Variants in KRI1 observed in about 807,000 individuals in gnomAD.
The protein encoded by KRI1 is KRI1 homolog.
In KRI1, 83 loss-of-function variants were observed where a neutral mutation model predicts 97.0. That is an observed-to-expected ratio of 0.86 (90% CI 0.72 to 1.03). The LOEUF (loss-of-function observed/expected upper bound fraction) is 1.03, where lower values mean the gene tolerates loss of function less well. Among genes scored for constraint, KRI1 ranks in the 50% least tolerant of loss-of-function variants. The pLI is 0.00. For missense variants in KRI1, 916 were observed against 928.4 expected, an observed-to-expected ratio of 0.99 and a Z score of 0.17; for synonymous variants, 371 against 363.5, an observed-to-expected ratio of 1.02 and a Z score of -0.23.
intron 3 of KRI1, among the ~76,000 whole-genome samples, chr19:10,564,599 T>C (rs992505294): frequency 3.9e-5 from 6 of 151,980 alleles, no homozygotes; most frequent in East Asian, 1.9e-4. Flanking sequence ...CCTGGTGGAG[T>C]TGGAATCATT....
intron 16 of KRI1, among the ~76,000 whole-genome samples, chr19:10,555,700 C>T (rs1318368191): frequency 6.6e-6 from 1 of 152,236 alleles, no homozygotes; most frequent in African/African-American, 2.4e-5. Flanking sequence ...TTCCTAATTA[C>T]ATATGAAACT....
At chr19:10,554,373 G>A in intron 18 of KRI1, 92 bp from the exon 19 acceptor site, 1 of 1,157,152 alleles carries the variant, frequency 8.6e-7, no homozygotes, top group Non-Finnish European at 1.2e-6. Context: ...AGGGAAAGGA[G>A]GGGCATAGTG....
At chr19:10,560,283 C>T in intron 9 of KRI1, 29 bp downstream of exon 9, 1 of 1,568,220 alleles carries the variant, frequency 6.4e-7, no homozygotes, top group African/African-American at 1.3e-5. Context: ...CACCCAAAAT[C>T]TAGGTCCTGG....
At chr19:10,561,886 G>A (rs773858870) in intron 4 of KRI1, 41 bp from the exon 5 acceptor site, 1 of 1,589,352 alleles carries the variant, frequency 6.3e-7, no homozygotes, top group South Asian at 1.1e-5. Flanking sequence ...TATCTTCCAG[G>A]GCCCGCCTGT....
At chr19:10,558,114 T>TCCCAGTC (rs541541694) in intron 13 of KRI1, 50 bp downstream of exon 13, 2 of 1,612,556 alleles carry the variant, frequency 1.2e-6, no homozygotes, top group African/African-American at 1.3e-5. Flanking sequence ...TGGGCTTCAG[T>TCCCAGTC]CCCAGTCCCC....
At chr19:10,559,047 C>T (rs1916608677) in intron 12 of KRI1, among the ~76,000 whole-genome samples, 1 of 149,640 alleles carries the variant, frequency 6.7e-6, no homozygotes, top group African/African-American at 2.5e-5. Context: ...CTCTGTCGCC[C>T]AGGCTGGAAT....
intron 6 of KRI1, 136 bp downstream of exon 6, chr19:10,561,531 A>C: frequency 5.4e-6 from 5 of 925,458 alleles, no homozygotes; most frequent in Non-Finnish European, 8.8e-6. Context: ...CAGTGCTGTG[A>C]TGTTATTAAC....
chr19:10,554,222 C>T lies in KRI1; in HGVS notation c.1841G>A (p.Arg614Lys). 2 of 1,614,066 alleles carry T rather than the reference C, an allele frequency of 1.2e-6. No homozygotes were observed. The highest frequency in any genetic ancestry group is 2.2e-5 in the East Asian group (1 of 44,874). ...GCTGCCATCAAGGGCTGGCAGCTGC[C>T]TCTGTGGGCCGGCTTCATCTCTCTG... Reference protein sequence around the residue: ...KPQRDEAGPQRQLPALDGSLM... With the variant: ...KPQRDEAGPQKQLPALDGSLM... The change falls in exon 19 of 19, where the codon AGG (arginine) becomes AAG (lysine). Residue 614 changes from arginine to lysine, a missense_variant. Transcript: ENST00000312962.
chr19:10,555,238 C>T, intron 17 of KRI1, 47 bp downstream of exon 17: 1 of 1,612,880 alleles, frequency 6.2e-7, no homozygotes, highest in Non-Finnish European at 8.5e-7. Flanking sequence ...CGAGGCTGCC[C>T]GCCCTGCCCC....
chr19:10,557,743 C>A (rs780989032), intron 15 of KRI1, 26 bp downstream of exon 15: 2 of 1,613,480 alleles, frequency 1.2e-6, no homozygotes, highest in Non-Finnish European at 1.7e-6. Context: ...CCCTGCCTAC[C>A]CACGGCCTGC....
Position 10,559,531 on chromosome 19 carries a change from T to G in KRI1, c.1024-2A>C. 6.2e-7 allele frequency: 1 copy of G among 1,613,924 alleles called. No individual in the cohort carries two copies. Among genetic ancestry groups the G allele is most frequent in the Non-Finnish European group, 8.5e-7 (1 of 1,179,980 alleles). ...CTCTTCCTGCTTCTTTGCTTTCTCC[T>G]GCAGGCCCAGGCAGAGAGGGGGAGG... On this transcript the variant is annotated splice_acceptor_variant, in intron 11 of 18. Coordinates refer to ENST00000312962, the MANE Select transcript of KRI1 (RefSeq NM_023008.5). LOFTEE classifies it high-confidence loss of function.
intron 1 of KRI1, 27 bp from the exon 2 acceptor site, chr19:10,565,817 C>CTA: frequency 2.6e-6 from 4 of 1,552,772 alleles, no homozygotes; most frequent in Non-Finnish European, 3.5e-6. Flanking sequence ...GGATGCCCCC[C>CTA]CCCAGGTCAG....
chr19:10,555,465 C>T, intron 16 of KRI1, 116 bp from the exon 17 acceptor site: 1 of 1,085,464 alleles, frequency 9.2e-7, no homozygotes, highest in Non-Finnish European at 1.4e-6. Flanking sequence ...AGCAGGGTTG[C>T]CATGATGGCC....
At chr19:10,564,017 G>A (rs528327944) in intron 3 of KRI1, among the ~76,000 whole-genome samples, 197 of 151,676 alleles carry the variant, frequency 1.3e-3, no homozygotes, top group African/African-American at 4.7e-3. Context: ...GTGGTGGCAC[G>A]CACCTGTAAT....
intron 16 of KRI1, 135 bp downstream of exon 16, chr19:10,557,417 A>G (rs1360088237): frequency 9.5e-7 from 1 of 1,050,682 alleles, no homozygotes; most frequent in East Asian, 2.4e-5. Flanking sequence ...GAATATTATC[A>G]TTTTCAAGAT....
chr19:10,557,513 G>A, intron 16 of KRI1, 39 bp downstream of exon 16: 3 of 1,594,480 alleles, frequency 1.9e-6, no homozygotes, highest in African/African-American at 1.3e-5. Context: ...GGCATACCTG[G>A]TGCCCCCTGC....
At position 10,557,604 on chromosome 19, in the gene KRI1, C is replaced by T. The variant is rs1916542102; in HGVS notation, c.1565G>A (p.Arg522His). Residue 522 changes from arginine to histidine, a missense_variant, in exon 16 of 19, where the codon CGC (arginine) becomes CAC (histidine). Physicochemically the swap from Arg to His is conservative, Grantham distance 29 (BLOSUM62 0). This residue lies in a region of KRI1 where 672 missense variants were observed against 667.2 expected (regional missense o/e 1.01). Coordinates refer to ENST00000312962, the MANE Select transcript of KRI1 (RefSeq NM_023008.5). ...YEDIIDDLPC[R>H]FKYRTVVPCD... The stretch of plus-strand genomic sequence containing the variant: ...GGGCACCACTGTGCGGTACTTGAAG[C>T]GACAGGGCAGGTCGTCGATGATGTC... 12 of 1,614,136 alleles carry T rather than the reference C, an allele frequency of 7.4e-6. No individual in the cohort carries two copies. In the South Asian group the frequency reaches 7.7e-5, roughly 10 times the overall value.
chr19:10,565,802 A>G lies in KRI1; in HGVS notation c.95-12T>C, dbSNP rs1266624146. 2.0e-6 allele frequency: 3 copies of G among 1,528,176 alleles called. No individual in the cohort carries two copies. Among genetic ancestry groups the G allele is most frequent in the Non-Finnish European group, 2.6e-6 (3 of 1,138,830 alleles). 94.7% of individuals were successfully genotyped at this position (1,528,176 alleles called of 1,614,324 possible). ...GTAGCGATCCTTCACTGCGGGACAC[A>G]GACGGGATGCCCCCCCCCAGGTCAG... On this transcript the variant is annotated splice_polypyrimidine_tract_variant and intron_variant, in intron 1 of 18. Coordinates refer to ENST00000312962, the MANE Select transcript of KRI1 (RefSeq NM_023008.5).
At chr19:10,560,013 G>C (rs1394464209) in intron 9 of KRI1, 77 bp from the exon 10 acceptor site, 1 of 1,526,896 alleles carries the variant, frequency 6.5e-7, no homozygotes, top group Non-Finnish European at 8.9e-7. Flanking sequence ...GCCTGGGTAC[G>C]AAGCGTATGA....
Sources: allele counts gnomAD v4.1 joint callset (sites outside exome capture counted in the v4.1 genomes callset), GRCh38; gene constraint gnomAD v4.1.1; regional missense constraint gnomAD v4.1.1; transcripts MANE v1.5; gene names NCBI Gene and HGNC (gene_info 2026-07-23, HGNC 2026-07-21).